The following PDE4B variants were observed in gnomAD, a reference collection of about 807,000 sequenced individuals.
PDE4B encodes 3',5'-cyclic-AMP phosphodiesterase 4B.
PDE4B carries 20 observed loss-of-function variants against 82.2 expected under a neutral mutation model. That is an observed-to-expected ratio of 0.24 (90% CI 0.17 to 0.35). The LOEUF is 0.35. Among genes scored for constraint, PDE4B ranks in the 10% least tolerant of loss-of-function variants. The probability of loss-of-function intolerance (pLI) is 1.00; values close to 1 mark genes in which losing one functional copy is unlikely to be tolerated. For missense variants in PDE4B, 655 were observed against 907.2 expected, an observed-to-expected ratio of 0.72 and a Z score of 3.57; for synonymous variants, 320 against 318.9, an observed-to-expected ratio of 1.00 and a Z score of -0.04.
chr1:66,342,793 C>G (rs1661100697), intron 8 of PDE4B, among the ~76,000 whole-genome samples: 1 of 151,378 alleles, frequency 6.6e-6, no homozygotes, highest in African/African-American at 2.4e-5. Context: ...CCTGTAATCC[C>G]AAAACTCTGG....
In PDE4B at chr1:65,990,690, C is replaced by G. The variant is rs147287045; in HGVS notation, c.281+71855C>G. On this transcript the variant is annotated intron_variant, in intron 3 of 16. Transcript: ENST00000341517. The stretch of plus-strand genomic sequence containing the variant: ...ACAATTTTGTAATTGAATTAAAGAT[C>G]ATTCCATTGGGAATCAAAAAACCTG... Among the ~76,000 whole-genome samples the G allele has an allele frequency of 3.3e-3, 496 of 152,176 alleles. 3 individuals are homozygous for G. Among genetic ancestry groups the G allele is most frequent in the East Asian group, 0.025 (130 of 5,186 alleles).
intron 7 of PDE4B, among the ~76,000 whole-genome samples, chr1:66,295,451 T>C (rs2101823143): frequency 6.6e-6 from 1 of 152,284 alleles, no homozygotes; most frequent in Non-Finnish European, 1.5e-5. Context: ...TTGTTTTTTG[T>C]TTTCTGACGG....
At chr1:66,161,281 C>T (rs992693362) in intron 3 of PDE4B, among the ~76,000 whole-genome samples, 1 of 120,214 alleles carries the variant, frequency 8.3e-6, no homozygotes, top group Non-Finnish European at 2.0e-5. Context: ...AACCTGAACA[C>T]ACACACACAC....
intron 3 of PDE4B, among the ~76,000 whole-genome samples, chr1:66,053,545 G>C (rs974525260): frequency 1.3e-5 from 2 of 152,124 alleles, no homozygotes; most frequent in Admixed American, 1.3e-4. Flanking sequence ...ACCTGGCCAA[G>C]GTCACACAGT....
rs910245262 is a variant in PDE4B, at chr1:65,848,586, G to A, written c.-71+55338G>A. Among the ~76,000 whole-genome samples the A allele has an allele frequency of 1.2e-4, 18 of 152,218 alleles. No individual in the cohort carries two copies. In the East Asian group the frequency reaches 1.7e-3, roughly 15 times the overall value. ...TCTCAGCCCAAGCAAACACTGATAT[G>A]CTATCACCATAGATTAATTTTTCTT... On this transcript the variant is annotated intron_variant, in intron 1 of 16. Coordinates refer to ENST00000341517, the MANE Select transcript of PDE4B (RefSeq NM_002600.4).
At chr1:66,248,629 T>C (rs955286471) in intron 4 of PDE4B, among the ~76,000 whole-genome samples, 6 of 152,244 alleles carry the variant, frequency 3.9e-5, no homozygotes, top group Admixed American at 3.3e-4. Context: ...CAAAATTTAC[T>C]GATTCTCTCC....
chr1:66,048,279 A>G (rs1027404654), intron 3 of PDE4B, among the ~76,000 whole-genome samples: 2 of 151,834 alleles, frequency 1.3e-5, no homozygotes, highest in Middle Eastern at 6.3e-3. Flanking sequence ...CCCATACTCC[A>G]AGTCTTATAG....
At chr1:65,876,182 T>C (rs1413086737) in intron 1 of PDE4B, among the ~76,000 whole-genome samples, 1 of 152,110 alleles carries the variant, frequency 6.6e-6, no homozygotes, top group East Asian at 1.9e-4. Context: ...AATTACTTTA[T>C]AATAATCAAA....
At chr1:66,139,012 A>T (rs1646116170) in intron 3 of PDE4B, among the ~76,000 whole-genome samples, 1 of 152,252 alleles carries the variant, frequency 6.6e-6, no homozygotes, top group Non-Finnish European at 1.5e-5. Flanking sequence ...TATCAAAGGT[A>T]TACTGAGAAA....
chr1:66,167,963 CCTT>C (rs1415784682), intron 3 of PDE4B, among the ~76,000 whole-genome samples: 1 of 152,138 alleles, frequency 6.6e-6, no homozygotes, highest in African/African-American at 2.4e-5. Context: ...TCTGTTCAGT[CCTT>C]CTCAAAAATT....
rs570851431 is a variant in PDE4B at position 65,873,325 on chromosome 1, G to A, written c.-70-39920G>A. ...AGATGAGTAGGGGCAGCAATGAAAC[G>A]TGACGGGAAAGAAAGGTTGGGGATT... is the stretch of plus-strand genomic sequence containing the variant. On this transcript the variant is annotated intron_variant, in intron 1 of 16. Transcript: ENST00000341517. 3.7e-4 allele frequency among the ~76,000 whole-genome samples: 56 copies of A among 152,284 alleles called. No homozygotes were observed. In the Middle Eastern group the frequency reaches 0.01, roughly 28 times the overall value.
intron 3 of PDE4B, among the ~76,000 whole-genome samples, chr1:66,198,822 C>T (rs1388649008): frequency 1.3e-5 from 2 of 150,970 alleles, no homozygotes; most frequent in African/African-American, 4.9e-5. Context: ...CATGTGTTCT[C>T]GTTGTTCAAT....
chr1:66,189,853 C>G (rs1275220334), intron 3 of PDE4B, among the ~76,000 whole-genome samples: 1 of 152,194 alleles, frequency 6.6e-6, no homozygotes, highest in Non-Finnish European at 1.5e-5. Flanking sequence ...CATTCTCCAT[C>G]CAGCTTTGTT....
intron 2 of PDE4B, among the ~76,000 whole-genome samples, chr1:65,914,283 T>G (rs1647131097): frequency 6.6e-6 from 1 of 152,220 alleles, no homozygotes; most frequent in Non-Finnish European, 1.5e-5. Flanking sequence ...ATGCTAGAAC[T>G]AATTCTCAGC....
intron 3 of PDE4B, among the ~76,000 whole-genome samples, chr1:66,184,843 CT>C (rs71058455): frequency 2.0e-5 from 3 of 150,684 alleles, no homozygotes; most frequent in Admixed American, 1.3e-4. Flanking sequence ...CCCCAGTTTA[CT>C]TTTTTTTATT....
chr1:65,967,493 C>G (rs921287634), intron 3 of PDE4B, among the ~76,000 whole-genome samples: 2 of 152,164 alleles, frequency 1.3e-5, no homozygotes, highest in East Asian at 3.8e-4. Context: ...CCTCAAGGAT[C>G]TAGAACTAGA....
At chr1:65,805,832 T>G (rs561742617) in intron 1 of PDE4B, among the ~76,000 whole-genome samples, 6 of 152,324 alleles carry the variant, frequency 3.9e-5, no homozygotes, top group African/African-American at 1.4e-4. Context: ...TGATGCTATT[T>G]TGAATCTTGA....
In PDE4B at chr1:66,306,614, G is replaced by T. The variant is rs527799116; in HGVS notation, c.635-25894G>T. 2.0e-5 allele frequency among the ~76,000 whole-genome samples: 3 copies of T among 152,230 alleles called. No individual in the cohort carries two copies. In the East Asian group the frequency reaches 5.8e-4, roughly 29 times the overall value. On this transcript the variant is annotated intron_variant, in intron 7 of 16. Transcript: ENST00000341517. ...AAGTATGGAAAACCTAGGGAGATTG[G>T]TAGATTGTAGGTGGAGAAGACTTAA...
At chr1:66,239,147 TACTTA>T (rs1272504519) in intron 3 of PDE4B, among the ~76,000 whole-genome samples, 14 of 152,254 alleles carry the variant, frequency 9.2e-5, no homozygotes, top group African/African-American at 3.4e-4. Flanking sequence ...TTGGCAGAGA[TACTTA>T]ACTTATGAAT....
Sources: gnomAD v4.1 joint callset for allele counts (sites outside exome capture counted in the v4.1 genomes callset) on GRCh38, gnomAD v4.1.1 for gene constraint, MANE v1.5 for transcripts, NCBI Gene and HGNC (gene_info 2026-07-23, HGNC 2026-07-21) for gene names.